CHST9: variants seen among roughly 807,000 people sequenced by gnomAD.
CHST9 encodes the protein carbohydrate sulfotransferase 9.
A neutral mutation model predicts 44.4 loss-of-function variants in CHST9; 41 were observed. The observed-to-expected ratio is 0.92, with a 90% CI of 0.72 to 1.20. CHST9 has a LOEUF of 1.20. Among genes scored for constraint, CHST9 ranks in the 50% most tolerant of loss-of-function variants. The pLI, the probability that CHST9 is intolerant of heterozygous loss-of-function variation, is 0.00. For missense variants in CHST9, 504 were observed against 516.5 expected (o/e 0.98, Z 0.23); for synonymous variants, 171 against 178.4 (o/e 0.96, Z 0.33).
intron 4 of CHST9, among the ~76,000 whole-genome samples, chr18:27,022,029 G>A (rs2057232721): frequency 6.6e-6 from 1 of 152,172 alleles, no homozygotes; most frequent in Admixed American, 6.5e-5. Context: ...CACCCAGCAT[G>A]TGTTCTGGCC....
chr18:26,940,680 C>T (rs2056069688), intron 5 of CHST9, among the ~76,000 whole-genome samples: 1 of 152,096 alleles, frequency 6.6e-6, no homozygotes, highest in Non-Finnish European at 1.5e-5. Flanking sequence ...GCCCAGTGCT[C>T]AGAGGGAGTG....
intron 5 of CHST9, among the ~76,000 whole-genome samples, chr18:26,929,762 G>A (rs899686833): frequency 6.6e-6 from 1 of 152,200 alleles, no homozygotes; most frequent in Non-Finnish European, 1.5e-5. Context: ...GGAGGAGAGA[G>A]AGAGAGAGAT....
At chr18:26,986,254 T>C (rs2056753965) in intron 4 of CHST9, among the ~76,000 whole-genome samples, 1 of 151,780 alleles carries the variant, frequency 6.6e-6, no homozygotes, top group African/African-American at 2.4e-5. Flanking sequence ...ACATGGAAAA[T>C]ACAAAAAAGA....
At chr18:27,105,537 A>C (rs1251349119) in intron 2 of CHST9, among the ~76,000 whole-genome samples, 3 of 152,192 alleles carry the variant, frequency 2.0e-5, no homozygotes, top group African/African-American at 7.2e-5. Flanking sequence ...AAGCAGCCCC[A>C]AAGTAGAGGA....
chr18:26,950,545 A>G (rs948282727), intron 4 of CHST9, among the ~76,000 whole-genome samples: 4 of 152,204 alleles, frequency 2.6e-5, no homozygotes, highest in Admixed American at 6.5e-5. Flanking sequence ...TCAGCCATAA[A>G]ATGGAATGAA....
chr18:26,962,022 G>T (rs967627679), intron 4 of CHST9, among the ~76,000 whole-genome samples: 3 of 152,188 alleles, frequency 2.0e-5, no homozygotes, highest in Non-Finnish European at 2.9e-5. Context: ...CGGAGTGAGA[G>T]TTGCCATAGG....
chr18:27,129,317 A>C (rs2058452274), intron 2 of CHST9, among the ~76,000 whole-genome samples: 2 of 152,128 alleles, frequency 1.3e-5, no homozygotes. Flanking sequence ...GAAACTGTGC[A>C]ACTTGCCACC....
At chr18:27,094,446 A>G (rs2058097725) in intron 2 of CHST9, among the ~76,000 whole-genome samples, 1 of 152,202 alleles carries the variant, frequency 6.6e-6, no homozygotes, top group African/African-American at 2.4e-5. Context: ...TGATAACATC[A>G]AAGTGACCAA....
chr18:26,995,144 T>G (rs139375427), intron 4 of CHST9, among the ~76,000 whole-genome samples: 94 of 150,392 alleles, frequency 6.3e-4, no homozygotes, highest in African/African-American at 2.1e-3. Context: ...TTAAGATGAC[T>G]GCAGCCCAGT....
At chr18:26,963,850 C>T (rs2056430875) in intron 4 of CHST9, among the ~76,000 whole-genome samples, 1 of 152,092 alleles carries the variant, frequency 6.6e-6, no homozygotes, top group South Asian at 2.1e-4. Context: ...GAGGACTAAA[C>T]GATATCATGC....
At chr18:27,167,464 T>C (rs762556701) in intron 1 of CHST9, among the ~76,000 whole-genome samples, 3 of 152,186 alleles carry the variant, frequency 2.0e-5, no homozygotes, top group African/African-American at 7.2e-5. Context: ...TTCTCAGTCC[T>C]AAAACAAATG....
intron 1 of CHST9, among the ~76,000 whole-genome samples, chr18:27,166,621 T>C (rs1195187891): frequency 3.9e-5 from 6 of 152,260 alleles, no homozygotes. Context: ...GTAGATGATC[T>C]ATCTCTAGAC....
intron 2 of CHST9, among the ~76,000 whole-genome samples, chr18:27,102,334 T>C (rs984347188): frequency 2.0e-5 from 3 of 152,202 alleles, no homozygotes; most frequent in Non-Finnish European, 2.9e-5. Context: ...ATAGAACAGA[T>C]TGATGGCCAT....
At chr18:26,926,444 G>T (rs2055769275) in intron 5 of CHST9, among the ~76,000 whole-genome samples, 1 of 152,184 alleles carries the variant, frequency 6.6e-6, no homozygotes, top group South Asian at 2.1e-4. Context: ...ACCATCAGAA[G>T]CGGAAAACTG....
chr18:26,912,907 A>G lies in CHST9; in HGVS notation c.*3352T>C, dbSNP rs1351254041. 6.6e-6 allele frequency: 1 copy of G among 152,254 alleles called. No homozygotes were observed. Among genetic ancestry groups the G allele is most frequent in the Non-Finnish European group, 1.5e-5 (1 of 68,054 alleles). The allele number at this position is 152,254 out of a possible 1,614,324, so 9.4% of individuals were successfully genotyped here. A position where few individuals can be genotyped will look rare whatever the true frequency, so the allele number is the denominator to read the frequency against. On this transcript the variant is annotated 3_prime_UTR_variant, in exon 6 of 6. Coordinates refer to ENST00000618847, the MANE Select transcript of CHST9 (RefSeq NM_031422.6). ...GAGCTATAATTAAACGCCTTTGGCCAATCCTTTTTCAAGTATCAGAGCATC... is the reference window on the plus strand; with the variant it reads ...GAGCTATAATTAAACGCCTTTGGCCGATCCTTTTTCAAGTATCAGAGCATC...
intron 2 of CHST9, among the ~76,000 whole-genome samples, chr18:27,053,008 C>T (rs1165140997): frequency 6.6e-6 from 1 of 151,312 alleles, no homozygotes; most frequent in Non-Finnish European, 1.5e-5. Flanking sequence ...TTGATAGGTG[C>T]AGCAAACCAT....
At chr18:26,921,148 G>C (rs1898124112) in intron 5 of CHST9, among the ~76,000 whole-genome samples, 1 of 152,184 alleles carries the variant, frequency 6.6e-6, no homozygotes, top group Admixed American at 6.5e-5. Flanking sequence ...ATCAAATGTA[G>C]TGGACTTGAA....
At chr18:27,167,925 A>T (rs1346151957) in intron 1 of CHST9, among the ~76,000 whole-genome samples, 1 of 152,322 alleles carries the variant, frequency 6.6e-6, no homozygotes, top group African/African-American at 2.4e-5. Context: ...GAAATAAGAC[A>T]GTATGGCTGG....
intron 2 of CHST9, among the ~76,000 whole-genome samples, chr18:27,133,815 G>A (rs777016304): frequency 1.3e-4 from 20 of 152,144 alleles, no homozygotes; most frequent in Non-Finnish European, 2.4e-4. Flanking sequence ...AATGGCCAAG[G>A]AAACGTGCTC....
Sources: gnomAD v4.1 joint callset for allele counts (sites outside exome capture counted in the v4.1 genomes callset) on GRCh38, gnomAD v4.1.1 for gene constraint, MANE v1.5 for transcripts, NCBI Gene and HGNC (gene_info 2026-07-23, HGNC 2026-07-21) for gene names.